Variants in PTPN14 observed in about 807,000 individuals in gnomAD.
PTPN14 encodes tyrosine-protein phosphatase non-receptor type 14.
Under a neutral mutation model 126.8 loss-of-function variants are expected in PTPN14, and 53 were observed. The observed-to-expected ratio is 0.42, with a 90% confidence interval of 0.34 to 0.53. The LOEUF is 0.53. Ranked by LOEUF, PTPN14 falls within the 20% of genes least tolerant of loss-of-function variation. The pLI is 0.08. For synonymous variants in PTPN14, 630 were observed against 599.3 expected, an observed-to-expected ratio of 1.05 and a Z score of -0.75; for missense variants, 1,257 against 1,552.9, an observed-to-expected ratio of 0.81 and a Z score of 3.20.
At chr1:214,506,910 T>C (rs1654858356) in intron 1 of PTPN14, among the ~76,000 whole-genome samples, 1 of 114,494 alleles carries the variant, frequency 8.7e-6, no homozygotes, top group Admixed American at 7.9e-5. Flanking sequence ...AGAGCGCGGG[T>C]TTTTTTTTTT....
At chr1:214,391,798 C>T (rs1280053885) in intron 10 of PTPN14, among the ~76,000 whole-genome samples, 1 of 151,474 alleles carries the variant, frequency 6.6e-6, no homozygotes, top group Non-Finnish European at 1.5e-5. Context: ...TTTCATCCTT[C>T]CTAATTTTTT....
chr1:214,536,137 C>T (rs1178771445), intron 1 of PTPN14, among the ~76,000 whole-genome samples: 3 of 151,246 alleles, frequency 2.0e-5, no homozygotes, highest in Non-Finnish European at 4.4e-5. Flanking sequence ...CACCTATAAT[C>T]CCAGAATTTT....
chr1:214,440,387 G>A (rs938838550), intron 3 of PTPN14, among the ~76,000 whole-genome samples: 12 of 152,192 alleles, frequency 7.9e-5, no homozygotes, highest in Admixed American at 6.5e-4. Flanking sequence ...TGGCCTATAA[G>A]ACGCTTGGTA....
intron 3 of PTPN14, among the ~76,000 whole-genome samples, chr1:214,437,010 ATTTTT>A (rs10582793): frequency 6.8e-6 from 1 of 147,704 alleles, no homozygotes; most frequent in Non-Finnish European, 1.5e-5. Context: ...GCCTCTCTGT[ATTTTT>A]TTTTTTTTTT....
chr1:214,527,328 A>T (rs906551887), intron 1 of PTPN14, among the ~76,000 whole-genome samples: 2 of 152,200 alleles, frequency 1.3e-5, no homozygotes, highest in African/African-American at 4.8e-5. Flanking sequence ...TATGCATTCG[A>T]TCAGGAGTAA....
At chr1:214,389,298 T>C (rs1658697881) in intron 11 of PTPN14, among the ~76,000 whole-genome samples, 1 of 152,238 alleles carries the variant, frequency 6.6e-6, no homozygotes, top group Admixed American at 6.5e-5. Flanking sequence ...CTTATGCCAG[T>C]TCACAAACAG....
rs753047399 is a variant in PTPN14 at position 214,372,788 on chromosome 1, G to A, written c.2959C>T (p.Pro987Ser). Reference protein sequence around the residue: ...WHYIATQGPLPHTCHDFWQMV... With the variant: ...WHYIATQGPLSHTCHDFWQMV... ...TGCCAGAAGTCGTGGCACGTGTGTG[G>A]CAGGGGCCCCTGGGTGGCTATGTAG... The change falls in exon 16 of 19, where the codon CCA becomes TCA. Residue 987 changes from proline (P) to serine (S), a missense_variant. This residue lies in a region of PTPN14 where 65 missense variants were observed against 139.7 expected (regional missense o/e 0.47). Transcript: ENST00000366956. 9 of 1,614,020 alleles carry A rather than the reference G, an allele frequency of 5.6e-6. No individual in the cohort carries two copies. The Admixed American group carries it at 6.7e-5, about 12-fold the overall frequency.
intron 13 of PTPN14, 80 bp from the exon 14 acceptor site, chr1:214,378,182 G>C (rs1301553805): frequency 6.9e-7 from 1 of 1,456,002 alleles, no homozygotes. Flanking sequence ...CCTCAAATCT[G>C]TAACTCCCCA....
At chr1:214,498,200 T>C (rs1224206711) in intron 1 of PTPN14, among the ~76,000 whole-genome samples, 1 of 152,194 alleles carries the variant, frequency 6.6e-6, no homozygotes, top group Non-Finnish European at 1.5e-5. Flanking sequence ...TAGATAAAAA[T>C]CACAGGGCAA....
At chr1:214,501,256 T>C (rs1654687149) in intron 1 of PTPN14, among the ~76,000 whole-genome samples, 2 of 152,166 alleles carry the variant, frequency 1.3e-5, no homozygotes, top group Admixed American at 6.5e-5. Context: ...TTCTTTTTTT[T>C]TGGAGACGGA....
intron 3 of PTPN14, among the ~76,000 whole-genome samples, chr1:214,438,035 C>T (rs1659958322): frequency 6.6e-6 from 1 of 152,218 alleles, no homozygotes; most frequent in Admixed American, 6.5e-5. Context: ...AAAGAACCAA[C>T]AGGCTCCCAA....
chr1:214,500,506 G>A (rs1654657251), intron 1 of PTPN14, among the ~76,000 whole-genome samples: 1 of 152,130 alleles, frequency 6.6e-6, no homozygotes, highest in South Asian at 2.1e-4. Flanking sequence ...CTTCAACTTG[G>A]TGAACTGACA....
chr1:214,531,499 A>AAC (rs58506242), intron 1 of PTPN14: 20,324 of 129,452 alleles, frequency 0.16, 1,844 homozygotes, highest in East Asian at 0.3. Context: ...AACCCAGCCT[A>AAC]ACACACACAC....
intron 11 of PTPN14, among the ~76,000 whole-genome samples, chr1:214,388,310 G>A (rs947476069): frequency 1.1e-4 from 17 of 151,892 alleles, no homozygotes; most frequent in African/African-American, 4.1e-4. Context: ...GTAAGAATTT[G>A]TTTGAAATAA....
At chr1:214,362,613 G>A (rs1051757781) in intron 18 of PTPN14, among the ~76,000 whole-genome samples, 2 of 152,206 alleles carry the variant, frequency 1.3e-5, no homozygotes, top group African/African-American at 4.8e-5. Context: ...CCTTTGATGG[G>A]TCTCCAAAGA....
At chr1:214,548,111 G>T (rs1045682075) in intron 1 of PTPN14, among the ~76,000 whole-genome samples, 1 of 152,110 alleles carries the variant, frequency 6.6e-6, no homozygotes, top group Non-Finnish European at 1.5e-5. Context: ...CATATCCTGA[G>T]AGGCCAAATG....
chr1:214,532,485 G>C (rs983877666), intron 1 of PTPN14: 11 of 870,316 alleles, frequency 1.3e-5, no homozygotes, highest in Non-Finnish European at 2.1e-5. Context: ...GAGGAGCCTG[G>C]AGATCGAGAA....
intron 18 of PTPN14, among the ~76,000 whole-genome samples, chr1:214,361,525 C>T (rs1657955722): frequency 1.3e-5 from 2 of 152,210 alleles, no homozygotes; most frequent in Admixed American, 1.3e-4. Flanking sequence ...TAACTGCCCC[C>T]AAGCCAAGGA....
Position 214,401,804 on chromosome 1 carries a change from G to A in PTPN14, c.582-32C>T, listed in dbSNP as rs1659025550. ...TCAAAATAGCATCAAAGGAAGAAAT[G>A]GTTAAGGGCAGCCAGTGGAAGATCC... On this transcript the variant is annotated intron_variant, in intron 6 of 18. Transcript: ENST00000366956. 4 of 1,507,898 alleles carry A rather than the reference G, an allele frequency of 2.7e-6. No homozygotes were observed. In the East Asian group the frequency reaches 6.8e-5, roughly 26 times the overall value. The allele number at this position is 1,507,898 out of a possible 1,614,324, so 93.4% of individuals were successfully genotyped here. A position where few individuals can be genotyped will look rare whatever the true frequency, so the allele number is the denominator to read the frequency against.
Sources: allele counts gnomAD v4.1 joint callset (sites outside exome capture counted in the v4.1 genomes callset), GRCh38; gene constraint gnomAD v4.1.1; regional missense constraint gnomAD v4.1.1; transcripts MANE v1.5; gene names NCBI Gene and HGNC (gene_info 2026-07-23, HGNC 2026-07-21).